The following C2orf81 variants were observed in gnomAD, a reference collection of about 807,000 sequenced individuals.
The protein encoded by C2orf81 is chromosome 2 open reading frame 81, also known as uncharacterized protein C2orf81.
Under a neutral mutation model 7.9 loss-of-function variants are expected in C2orf81, and 5 were observed. The observed-to-expected ratio is 0.63, with a 90% CI of 0.33 to 1.33. The LOEUF (loss-of-function observed/expected upper bound fraction) is 1.33, where lower values mean the gene tolerates loss of function less well. Among genes scored for constraint, C2orf81 ranks in the 40% most tolerant of loss-of-function variants. The pLI is 0.05. For missense variants in C2orf81, 781 were observed against 830.4 expected (o/e 0.94, Z 0.73); for synonymous variants, 346 against 367.4 (o/e 0.94, Z 0.66).
chr2:74,419,829 T>G (rs1316954832), intron 1 of C2orf81, among the ~76,000 whole-genome samples: 4 of 152,250 alleles, frequency 2.6e-5, no homozygotes, highest in Non-Finnish European at 5.9e-5. Flanking sequence ...TGGAGTGCAG[T>G]GGCAAGATCT....
chr2:74,418,054 G>T, intron 1 of C2orf81: 1 of 532,394 alleles, frequency 1.9e-6, no homozygotes, highest in South Asian at 1.8e-5. Context: ...GGTGGGTGTA[G>T]GGAAGGGGTG....
chr2:74,416,144 G>C lies in C2orf81; in HGVS notation c.116C>G (p.Pro39Arg). The C allele has an allele frequency of 6.6e-7, 1 of 1,517,902 alleles. No homozygotes were observed. The highest frequency in any genetic ancestry group is 8.9e-7 in the Non-Finnish European group (1 of 1,126,138). 94.0% of individuals were successfully genotyped at this position (1,517,902 alleles called of 1,614,324 possible). The part of the protein sequence containing the change: ...TVPVPQVDIV[P>R]GRLSEAEWMA... ...CCACTCGGCCTCACTGAGCCGCCCAGGCACAATATCCACCTGCGGCACTGG... is the reference window on the plus strand; with the variant it reads ...CCACTCGGCCTCACTGAGCCGCCCACGCACAATATCCACCTGCGGCACTGG... The change falls in exon 2 of 3, where the codon CCT becomes CGT. Residue 39 changes from proline to arginine, a missense_variant. Transcript: ENST00000684111.
At position 74,420,772 on chromosome 2, in the gene C2orf81, CTTTTTTTTT is replaced by C. The variant is rs745827470; in HGVS notation, c.18+762_18+770del. Among the ~76,000 whole-genome samples, 507 of 72,716 alleles carry C rather than the reference CTTTTTTTTT, an allele frequency of 7.0e-3. 3 individuals are homozygous for C. Among genetic ancestry groups the C allele is most frequent in the African/African-American group, 0.026 (455 of 17,526 alleles). The allele number at this position is 72,716 out of a possible 152,430, so 47.7% of individuals were successfully genotyped here. On this transcript the variant is annotated intron_variant, in intron 1 of 2. Transcript: ENST00000684111. ...CAAATCCGTTTTCTTTCTTCTTCTT[CTTTTTTTTT>C]TTTTTTTTTTTTTTTTTTTGAGACA... is the stretch of plus-strand genomic sequence containing the variant.
At position 74,421,554 on chromosome 2, in the gene C2orf81, G is replaced by T. The variant is rs912588307; in HGVS notation, c.7C>A (p.His3Asn). 1.2e-5 allele frequency: 5 copies of T among 408,538 alleles called. No homozygotes were observed. The highest frequency in any genetic ancestry group is 2.2e-5 in the Non-Finnish European group (5 of 229,658). 25.3% of individuals were successfully genotyped at this position (408,538 alleles called of 1,614,324 possible). The change falls in exon 1 of 3, where the codon CAC (histidine) becomes AAC (asparagine). Residue 3 changes from histidine (H) to asparagine (N), a missense_variant. His to Asn is a moderately conservative substitution (Grantham distance 68, BLOSUM62 1). Transcript: ENST00000684111. MAHEGSRQERQVR... is the reference protein window; with the variant it reads MANEGSRQERQVR... ...GAACTGAAGCTCACCGAGCCTTCGTGCGCCATCGCCAACGCGGTCGCAGCA... is the reference window on the plus strand; with the variant it reads ...GAACTGAAGCTCACCGAGCCTTCGTTCGCCATCGCCAACGCGGTCGCAGCA...
intron 1 of C2orf81, among the ~76,000 whole-genome samples, chr2:74,417,220 GGGGT>G (rs1359328622): frequency 1.3e-5 from 2 of 152,254 alleles, no homozygotes; most frequent in African/African-American, 4.8e-5. Flanking sequence ...AGAACCTGGG[GGGGT>G]GGCAGGAGCA....
At chr2:74,416,351 G>T (rs1177741266) in intron 1 of C2orf81, 110 bp from the exon 2 acceptor site, 2 of 656,122 alleles carry the variant, frequency 3.0e-6, no homozygotes, top group African/African-American at 1.9e-5. Context: ...AAGGAAAAGG[G>T]CCAATTGACG....
At position 74,415,178 on chromosome 2, in the gene C2orf81, C is replaced by T; in HGVS notation, c.999G>A (p.Val333=). 4.7e-6 allele frequency: 7 copies of T among 1,489,424 alleles called. No individual in the cohort carries two copies. Among genetic ancestry groups the T allele is most frequent in the Non-Finnish European group, 5.3e-6 (6 of 1,142,540 alleles). 92.3% of individuals were successfully genotyped at this position (1,489,424 alleles called of 1,614,324 possible). ...GVPCIASGVL[V]SYPSVGGATR... ...TGGCGCCGCCCACAGAGGGGTAGGA[C>T]ACCAACACGCCCGAGGCGATGCAGG... The change falls in exon 3 of 3, where the codon GTG becomes GTA. Residue 333 remains valine, a synonymous_variant. Transcript: ENST00000684111. The surrounding 1 kb of genome is among the most constrained non-coding windows in gnomAD (Gnocchi z 5.5).
rs1676421373 is a variant in C2orf81, at chr2:74,415,323, T to C, written c.854A>G (p.Gln285Arg). The C allele has an allele frequency of 1.3e-6, 2 of 1,544,572 alleles. No homozygotes were observed. The highest frequency in any genetic ancestry group is 1.7e-6 in the Non-Finnish European group (2 of 1,142,942). ...SLDPYLVASPQASTGRGHPLG... is the reference protein window; with the variant it reads ...SLDPYLVASPRASTGRGHPLG... ...GGGGTGTCCCCTCCCAGTTGAGGCC[T>C]GGGGGCTGGCTACCAGGTACGGATC... The change falls in exon 3 of 3, where the codon CAG becomes CGG. Residue 285 changes from glutamine to arginine, a missense_variant. Physicochemically the swap from Gln to Arg is conservative, Grantham distance 43 (BLOSUM62 1). Coordinates refer to ENST00000684111, the MANE Select transcript of C2orf81 (RefSeq NM_001316764.3). The surrounding 1 kb of genome is among the most constrained non-coding windows in gnomAD (Gnocchi z 5.5).
At chr2:74,416,356 T>C (rs933233040) in intron 1 of C2orf81, 115 bp from the exon 2 acceptor site, 23 of 596,798 alleles carry the variant, frequency 3.9e-5, no homozygotes, top group Admixed American at 1.7e-4. Context: ...AAAGGGCCAA[T>C]TGACGAAGAG....
chr2:74,418,548 C>T (rs879461043), intron 1 of C2orf81: 24 of 777,618 alleles, frequency 3.1e-5, no homozygotes, highest in Non-Finnish European at 5.3e-5. Flanking sequence ...CGGTGCTGGG[C>T]GCTGAGGACA....
In C2orf81 at chr2:74,414,858, C is replaced by A; in HGVS notation, c.1319G>T (p.Gly440Val). The A allele has an allele frequency of 6.4e-7, 1 of 1,550,732 alleles. No homozygotes were observed. The highest frequency in any genetic ancestry group is 1.2e-5 in the South Asian group (1 of 83,964). ...CGAGTCCAAGTCACGGAAAGGAATG[C>A]CTGGCCGGAGAGGGAAGAACGCTGC... is the stretch of plus-strand genomic sequence containing the variant. ...SPAAFFPLRP[G>V]IPFRDLDSGP... The change falls in exon 3 of 3, where the codon GGC becomes GTC. Residue 440 changes from glycine to valine, a missense_variant. By Grantham distance (109) the Gly-to-Val change is moderately radical. Coordinates refer to ENST00000684111, the MANE Select transcript of C2orf81 (RefSeq NM_001316764.3). The surrounding 1 kb of genome is among the most constrained non-coding windows in gnomAD (Gnocchi z 5.3).
chr2:74,414,872 G>T lies in C2orf81; in HGVS notation c.1305C>A (p.Phe435Leu), dbSNP rs1321309123. 4.5e-6 allele frequency: 7 copies of T among 1,549,548 alleles called. No homozygotes were observed. Among genetic ancestry groups the T allele is most frequent in the Middle Eastern group, 1.7e-4 (1 of 6,008 alleles). ...GGAAAGGAATGCCTGGCCGGAGAGG[G>T]AAGAACGCTGCCGGGGAGACACGGG... is the stretch of plus-strand genomic sequence containing the variant. ...PGTRVSPAAF[F>L]PLRPGIPFRD... The change falls in exon 3 of 3, where the codon TTC becomes TTA. Residue 435 changes from phenylalanine to leucine, a missense_variant. Phe to Leu is a conservative substitution (Grantham distance 22, BLOSUM62 0). Transcript: ENST00000684111. This position sits in a 1 kb window ranked among gnomAD's most constrained non-coding sequence, Gnocchi z 5.3.
rs1448709450 is a variant in C2orf81, at chr2:74,414,283, C to T, written c.*46G>A. ...GAGGGAGGCAGCAGGCTTAGAGGAG[C>T]GTGACCACACTTTGGGGGCTGAGTT... is the stretch of plus-strand genomic sequence containing the variant. On this transcript the variant is annotated 3_prime_UTR_variant, in exon 3 of 3. Transcript: ENST00000684111. The surrounding 1 kb of genome is among the most constrained non-coding windows in gnomAD (Gnocchi z 5.3). The T allele has an allele frequency of 1.6e-5, 23 of 1,431,664 alleles. No homozygotes were observed. The highest frequency in any genetic ancestry group is 2.7e-5 in the Admixed American group (1 of 36,422). The allele number at this position is 1,431,664 out of a possible 1,614,324, so 88.7% of individuals were successfully genotyped here.
rs376887803 is a variant in C2orf81 at position 74,414,826 on chromosome 2, C to T, written c.1351G>A (p.Ala451Thr). The T allele has an allele frequency of 1.3e-4, 201 of 1,551,392 alleles. 1 individual carries two copies. Among genetic ancestry groups the T allele is most frequent in the Non-Finnish European group, 1.7e-4 (197 of 1,146,760 alleles). Reference protein sequence around the residue: ...IPFRDLDSGPALLFPTLNLGL... With the variant: ...IPFRDLDSGPTLLFPTLNLGL... ...AAATTTAAAGTGGGGAACAGGAGTG[C>T]GGGGCCCGAGTCCAAGTCACGGAAA... Residue 451 changes from alanine to threonine, a missense_variant, in exon 3 of 3, where the codon GCA becomes ACA. Ala to Thr is a moderately conservative substitution (Grantham distance 58). Transcript: ENST00000684111. This position sits in a 1 kb window ranked among gnomAD's most constrained non-coding sequence, Gnocchi z 5.3.
chr2:74,415,774 C>A lies in C2orf81; in HGVS notation c.403G>T (p.Ala135Ser). 6.4e-7 allele frequency: 1 copy of A among 1,551,620 alleles called. No individual in the cohort carries two copies. The highest frequency in any genetic ancestry group is 1.2e-5 in the South Asian group (1 of 84,066). ...TGCAGCACGGGCACTGAACCCTGAG[C>A]CCAGGAGTCCGTCGTGCATGCCGAA... ...EPSACTTDSWAQGSVPVLHAS... is the reference protein window; with the variant it reads ...EPSACTTDSWSQGSVPVLHAS... Residue 135 changes from alanine to serine, a missense_variant, in exon 3 of 3, where the codon GCT becomes TCT. Coordinates refer to ENST00000684111, the MANE Select transcript of C2orf81 (RefSeq NM_001316764.3). This position sits in a 1 kb window ranked among gnomAD's most constrained non-coding sequence, Gnocchi z 5.5.
chr2:74,419,326 T>C (rs1403067404), intron 1 of C2orf81, among the ~76,000 whole-genome samples: 1 of 152,120 alleles, frequency 6.6e-6, no homozygotes, highest in Non-Finnish European at 1.5e-5. Context: ...GCTTGGGCTA[T>C]ATTGCAATAA....
intron 1 of C2orf81, among the ~76,000 whole-genome samples, chr2:74,419,438 A>G (rs1300577210): frequency 1.3e-5 from 2 of 152,240 alleles, no homozygotes; most frequent in East Asian, 1.9e-4. Context: ...TAAATATAGT[A>G]TTGACATTCT....
chr2:74,415,220 G>C lies in C2orf81; in HGVS notation c.957C>G (p.Leu319=). 3.2e-6 allele frequency: 5 copies of C among 1,551,128 alleles called. No homozygotes were observed. The highest frequency in any genetic ancestry group is 4.4e-6 in the Non-Finnish European group (5 of 1,146,926). ...QLDAAGDRLE[L]RSEGVPCIAS... is the part of the protein sequence containing the mutation. ...CGATGCAGGGCACCCCCTCTGACCT[G>C]AGTTCCAGCCGATCCCCAGCCGCGT... Residue 319 remains leucine, a synonymous_variant, in exon 3 of 3, where the codon CTC becomes CTG. Transcript: ENST00000684111. This position sits in a 1 kb window ranked among gnomAD's most constrained non-coding sequence, Gnocchi z 5.5.
chr2:74,415,796 C>A lies in C2orf81; in HGVS notation c.381G>T (p.Ser127=). ...DPTWGEDEEP[S]ACTTDSWAQG... ...GAGCCCAGGAGTCCGTCGTGCATGC[C>A]GAAGGCTCCTCGTCCTCACCCCATG... Residue 127 remains serine, a synonymous_variant, in exon 3 of 3, where the codon TCG becomes TCT. Coordinates refer to ENST00000684111, the MANE Select transcript of C2orf81 (RefSeq NM_001316764.3). This position sits in a 1 kb window ranked among gnomAD's most constrained non-coding sequence, Gnocchi z 5.5. The A allele has an allele frequency of 6.4e-6, 10 of 1,551,602 alleles. No homozygotes were observed. The highest frequency in any genetic ancestry group is 7.0e-6 in the Non-Finnish European group (8 of 1,147,008).
Sources: gnomAD v4.1 joint callset for allele counts (sites outside exome capture counted in the v4.1 genomes callset) on GRCh38, gnomAD v4.1.1 for gene constraint, Gnocchi (gnomAD v3.1) non-coding constraint, MANE v1.5 for transcripts, NCBI Gene and HGNC (gene_info 2026-07-23, HGNC 2026-07-21) for gene names.